The following NEO1 variants were observed in gnomAD, a reference collection of about 807,000 sequenced individuals.
NEO1 encodes the protein neogenin 1.
NEO1 carries 63 observed loss-of-function variants against 159.7 expected under a neutral mutation model. That is an observed-to-expected ratio of 0.39 (90% confidence interval 0.32 to 0.49). The LOEUF (loss-of-function observed/expected upper bound fraction) is 0.49, where lower values mean the gene tolerates loss of function less well. Among genes scored for constraint, NEO1 ranks in the 20% least tolerant of loss-of-function variants. The probability of loss-of-function intolerance (pLI) is 0.85; values close to 1 mark genes in which losing one functional copy is unlikely to be tolerated. For synonymous variants in NEO1, 633 were observed against 662.0 expected, an observed-to-expected ratio of 0.96 and a Z score of 0.67; for missense variants, 1,615 against 1,831.0, an observed-to-expected ratio of 0.88 and a Z score of 2.15.
rs71137336 is a variant in NEO1 at position 73,222,091 on chromosome 15, A to ATTTTTTTTTT, written c.1292-14234_1292-14225dup. Reference sequence around the variant, plus strand: ...ATCTTCACTCCTCCCCCTGTTGGTAATTTTTTTTTTTTTTTTTTTTTTTTT... The same window carrying ATTTTTTTTTT: ...ATCTTCACTCCTCCCCCTGTTGGTAATTTTTTTTTTTTTTTTTTTTTTTTTTTTTTTTTTT... On this transcript the variant is annotated intron_variant, in intron 7 of 28. Transcript: ENST00000261908. 256 of 53,054 alleles carry ATTTTTTTTTT rather than the reference A, an allele frequency of 4.8e-3. 50 individuals carry two copies. The highest frequency in any genetic ancestry group is 6.0e-3 in the Admixed American group (16 of 2,664). 3.3% of individuals were successfully genotyped at this position (53,054 alleles called of 1,614,324 possible). A position where few individuals can be genotyped will look rare whatever the true frequency, so the allele number is the denominator to read the frequency against.
intron 1 of NEO1, among the ~76,000 whole-genome samples, chr15:73,110,464 G>A (rs1346483201): frequency 1.3e-5 from 2 of 152,096 alleles, no homozygotes; most frequent in Non-Finnish European, 2.9e-5. Flanking sequence ...GTTTTACTCT[G>A]GGTACAATAA....
In NEO1 at chr15:73,232,801, T is replaced by C. The variant is rs7176494; in HGVS notation, c.1292-3546T>C. ...TTGCCACCAGGATTGCTCCTCTAAT[T>C]GACAACACTCCATATCAAATGAGCT... On this transcript the variant is annotated intron_variant, in intron 7 of 28. Transcript: ENST00000261908. 8.6e-3 allele frequency among the ~76,000 whole-genome samples: 1,312 copies of C among 152,220 alleles called. 22 individuals are homozygous for C. Among genetic ancestry groups the C allele is most frequent in the African/African-American group, 0.03 (1,240 of 41,506 alleles).
intron 7 of NEO1, among the ~76,000 whole-genome samples, chr15:73,193,098 T>C (rs1410768994): frequency 6.6e-6 from 1 of 152,044 alleles, no homozygotes; most frequent in African/African-American, 2.4e-5. Context: ...TAATATAGCA[T>C]TTTTTTCCTA....
intron 4 of NEO1, among the ~76,000 whole-genome samples, chr15:73,128,204 C>G (rs2030564735): frequency 1.3e-5 from 2 of 151,636 alleles, no homozygotes; most frequent in South Asian, 4.2e-4. Context: ...CTCTTTCCAG[C>G]TAAATATTAC....
Position 73,244,474 on chromosome 15 carries a change from C to G in NEO1, c.1582C>G (p.Leu528Val). The G allele has an allele frequency of 4.3e-6, 7 of 1,613,774 alleles. No homozygotes were observed. Among genetic ancestry groups the G allele is most frequent in the Non-Finnish European group, 5.9e-6 (7 of 1,179,798 alleles). The change falls in exon 9 of 29, where the codon CTG becomes GTG. Residue 528 changes from leucine (L) to valine (V), a missense_variant. Leu to Val is a conservative substitution (Grantham distance 32, BLOSUM62 1). This residue lies in a region of NEO1 where 1,018 missense variants were observed against 1,115.4 expected (regional missense o/e 0.91). Coordinates refer to ENST00000261908, the MANE Select transcript of NEO1 (RefSeq NM_002499.4). The part of the protein sequence containing the change: ...KHGSGESSAP[L>V]RVETQPEVQL... ...TGGCTCAGGAGAGAGTTCAGCTCCA[C>G]TGCGAGTAGAAACACAACCTGAGGG... is the stretch of plus-strand genomic sequence containing the variant.
intron 22 of NEO1, among the ~76,000 whole-genome samples, chr15:73,279,345 GTTTTGGTT>G (rs1264861492): frequency 1.5e-4 from 12 of 77,798 alleles, no homozygotes; most frequent in Non-Finnish European, 2.1e-4. Flanking sequence ...TGTTGTTTTG[GTTTTGGTT>G]TTTTTTTTTT....
intron 1 of NEO1, among the ~76,000 whole-genome samples, chr15:73,091,738 CTT>C (rs11320847): frequency 0.24 from 31,050 of 127,436 alleles, 4,084 homozygotes; most frequent in African/African-American, 0.41. Context: ...TAATTTTACA[CTT>C]TTTTTTTTTT....
intron 21 of NEO1, 55 bp from the exon 22 acceptor site, chr15:73,278,076 G>A: frequency 6.7e-7 from 1 of 1,497,266 alleles, no homozygotes; most frequent in Non-Finnish European, 9.2e-7. Flanking sequence ...GCTATGAAGT[G>A]GACTGTCACG....
At chr15:73,181,984 G>GAA (rs779072967) in intron 7 of NEO1, among the ~76,000 whole-genome samples, 2 of 92,244 alleles carry the variant, frequency 2.2e-5, no homozygotes, top group Admixed American at 2.3e-4. Flanking sequence ...TTACAAAAGA[G>GAA]ATTTAATGGG....
chr15:73,157,869 T>C (rs541841870), intron 5 of NEO1, among the ~76,000 whole-genome samples: 1 of 152,206 alleles, frequency 6.6e-6, no homozygotes, highest in South Asian at 2.1e-4. Flanking sequence ...TAATACTGTT[T>C]CCCTTGTTGA....
chr15:73,137,586 T>C (rs969185484), intron 5 of NEO1, among the ~76,000 whole-genome samples: 7 of 152,162 alleles, frequency 4.6e-5, no homozygotes, highest in African/African-American at 1.7e-4. Context: ...AGCCTCGACC[T>C]CCTGGGTTCA....
At chr15:73,063,009 T>C (rs905074671) in intron 1 of NEO1, among the ~76,000 whole-genome samples, 2 of 152,132 alleles carry the variant, frequency 1.3e-5, no homozygotes, top group Admixed American at 1.3e-4. Flanking sequence ...TATAGATGGG[T>C]TTCCAAAGGG....
chr15:73,252,538 GAACTGCCTTCA>G (rs2040130771), intron 11 of NEO1, among the ~76,000 whole-genome samples: 1 of 152,156 alleles, frequency 6.6e-6, no homozygotes, highest in South Asian at 2.1e-4. Context: ...CTGTACTTGG[GAACTGCCTTCA>G]AAACCAGCTT....
At chr15:73,052,852 G>A in intron 1 of NEO1, 47 bp downstream of exon 1, 1 of 318,044 alleles carries the variant, frequency 3.1e-6, no homozygotes, top group Non-Finnish European at 4.6e-6. Flanking sequence ...CGCGGCACCG[G>A]CTCAGGCGGC....
intron 7 of NEO1, among the ~76,000 whole-genome samples, chr15:73,192,610 A>G (rs2036298272): frequency 6.6e-6 from 1 of 151,980 alleles, no homozygotes; most frequent in Non-Finnish European, 1.5e-5. Context: ...AATTGATCCA[A>G]CCAATAAGGG....
intron 15 of NEO1, among the ~76,000 whole-genome samples, chr15:73,263,207 T>G (rs1051039194): frequency 6.6e-6 from 1 of 150,712 alleles, no homozygotes; most frequent in Admixed American, 6.6e-5. Context: ...TTTTTTTTTT[T>G]TTTTGAGACA....
intron 1 of NEO1, among the ~76,000 whole-genome samples, chr15:73,111,104 T>C (rs2070961627): frequency 6.6e-6 from 1 of 152,174 alleles, no homozygotes; most frequent in Admixed American, 6.5e-5. Flanking sequence ...CTGCTCTCTT[T>C]TGGCAGCTCA....
At chr15:73,165,448 A>G (rs769694216) in intron 5 of NEO1, among the ~76,000 whole-genome samples, 4 of 152,220 alleles carry the variant, frequency 2.6e-5, no homozygotes, top group African/African-American at 4.8e-5. Context: ...GAAAAATCCA[A>G]CTGTAGAACA....
chr15:73,243,887 A>G (rs2039612865), intron 8 of NEO1, among the ~76,000 whole-genome samples: 1 of 152,324 alleles, frequency 6.6e-6, no homozygotes, highest in Non-Finnish European at 1.5e-5. Context: ...AAAAGATGAT[A>G]ACCTCTAGCA....
Sources: gnomAD v4.1 joint callset for allele counts (sites outside exome capture counted in the v4.1 genomes callset) on GRCh38, gnomAD v4.1.1 for gene constraint, gnomAD v4.1.1 regional missense constraint, MANE v1.5 for transcripts, NCBI Gene and HGNC (gene_info 2026-07-23, HGNC 2026-07-21) for gene names.